Variants in DCPH1 observed in about 807,000 individuals in gnomAD.
DCPH1 encodes damage control phosphatase 1.
the DCPH1 span, among the ~76,000 whole-genome samples, chr6:151,464,783 A>C: frequency 6.6e-6 from 1 of 152,242 alleles, no homozygotes; most frequent in Non-Finnish European, 1.5e-5. Flanking sequence ...ATGGGTTTGA[A>C]ATATTTTTCT....
the DCPH1 span, among the ~76,000 whole-genome samples, chr6:151,459,997 A>C: frequency 3.3e-5 from 5 of 152,306 alleles, no homozygotes; most frequent in East Asian, 7.7e-4. Context: ...TGGGAAACAT[A>C]TGGAACTTTA....
chr6:151,466,353 A>G, the DCPH1 span, among the ~76,000 whole-genome samples: 1 of 151,910 alleles, frequency 6.6e-6, no homozygotes, highest in African/African-American at 2.4e-5. Flanking sequence ...CTTTCAGGGA[A>G]TCATCTTCTT....
At chr6:151,461,392 C>T in the DCPH1 span, among the ~76,000 whole-genome samples, 1 of 152,144 alleles carries the variant, frequency 6.6e-6, no homozygotes, top group East Asian at 1.9e-4. Context: ...ATTTTTAGGC[C>T]AGGCACAGTG....
chr6:151,460,732 C>A, the DCPH1 span, among the ~76,000 whole-genome samples: 54 of 151,482 alleles, frequency 3.6e-4, 2 homozygotes, highest in South Asian at 0.011. Flanking sequence ...TGCAGTGAGC[C>A]GAAATCACAC....
chr6:151,458,727 T>G, the DCPH1 span, among the ~76,000 whole-genome samples: 4 of 150,944 alleles, frequency 2.6e-5, no homozygotes, highest in Middle Eastern at 3.4e-3. Flanking sequence ...CTACAAATGT[T>G]ACTGATGGAC....
At chr6:151,465,918 G>A in the DCPH1 span, among the ~76,000 whole-genome samples, 11 of 152,262 alleles carry the variant, frequency 7.2e-5, no homozygotes, top group East Asian at 2.1e-3. Flanking sequence ...AAAATTGTCA[G>A]GACATTGTTT....
the DCPH1 span, chr6:151,469,413 G>A: frequency 4.1e-6 from 1 of 243,094 alleles, no homozygotes; most frequent in Non-Finnish European, 7.8e-6. Context: ...TTTTTAATTG[G>A]CTAGGGAGCA....
the DCPH1 span, chr6:151,468,222 A>C: frequency 7.9e-6 from 5 of 635,266 alleles, no homozygotes; most frequent in Admixed American, 9.0e-5. Context: ...TTTGATGGTC[A>C]TGTAAAGAGT....
the DCPH1 span, among the ~76,000 whole-genome samples, chr6:151,453,512 C>T: frequency 6.6e-6 from 1 of 152,210 alleles, no homozygotes; most frequent in Non-Finnish European, 1.5e-5. Context: ...TTATTATGCG[C>T]ATTAAAACCT....
chr6:151,460,600 A>G, the DCPH1 span, among the ~76,000 whole-genome samples: 3 of 151,752 alleles, frequency 2.0e-5, no homozygotes, highest in Admixed American at 6.6e-5. Context: ...CCTGGCCAAC[A>G]TGCTGAAACC....
At chr6:151,467,453 A>T in the DCPH1 span, among the ~76,000 whole-genome samples, 1 of 151,972 alleles carries the variant, frequency 6.6e-6, no homozygotes, top group Non-Finnish European at 1.5e-5. Context: ...AAAATCACAA[A>T]TGAGAGTAGA....
chr6:151,468,239 G>C, the DCPH1 span: 3 of 709,528 alleles, frequency 4.2e-6, no homozygotes. Flanking sequence ...GAGTTTTGTA[G>C]ATATTTAGTA....
At chr6:151,454,547 G>T in the DCPH1 span, 19 of 1,384,148 alleles carry the variant, frequency 1.4e-5, no homozygotes, top group Non-Finnish European at 1.8e-5. Context: ...CTCTTTTCTA[G>T]ATCATTTGCA....
At chr6:151,460,317 G>A in the DCPH1 span, among the ~76,000 whole-genome samples, 523 of 151,814 alleles carry the variant, frequency 3.4e-3, 3 homozygotes, top group African/African-American at 0.011. Flanking sequence ...TTGAACTCCT[G>A]ACCTCGAACT....
the DCPH1 span, among the ~76,000 whole-genome samples, chr6:151,466,614 A>G: frequency 6.6e-6 from 1 of 152,172 alleles, no homozygotes; most frequent in African/African-American, 2.4e-5. Flanking sequence ...CCCACTGTCG[A>G]CACACACATT....
At chr6:151,453,770 G>T in the DCPH1 span, among the ~76,000 whole-genome samples, 1 of 152,156 alleles carries the variant, frequency 6.6e-6, no homozygotes, top group Non-Finnish European at 1.5e-5. Context: ...CCTGTATCAT[G>T]TATTTCCTTA....
At chr6:151,452,984 C>T in the DCPH1 span, among the ~76,000 whole-genome samples, 5 of 152,194 alleles carry the variant, frequency 3.3e-5, no homozygotes, top group Admixed American at 6.5e-5. Flanking sequence ...TAAGAACTGT[C>T]TAGTTTTTTG....
chr6:151,469,199 C>T, the DCPH1 span: 4 of 1,074,732 alleles, frequency 3.7e-6, no homozygotes, highest in East Asian at 2.5e-5. Flanking sequence ...AGTCGCCTGG[C>T]GGCTCTGTAC....
At chr6:151,467,138 G>T in the DCPH1 span, among the ~76,000 whole-genome samples, 1 of 151,772 alleles carries the variant, frequency 6.6e-6, no homozygotes, top group South Asian at 2.1e-4. Context: ...TGTAATCCCA[G>T]CTACTTGGGA....
Sources: allele counts gnomAD v4.1 joint callset (sites outside exome capture counted in the v4.1 genomes callset), GRCh38; gene constraint gnomAD v4.1.1; transcripts MANE v1.5; gene names NCBI Gene and HGNC (gene_info 2026-07-23, HGNC 2026-07-21).